The following ADAMTS2 variants were observed in gnomAD, a reference collection of about 807,000 sequenced individuals.
The protein encoded by ADAMTS2 is A disintegrin and metalloproteinase with thrombospondin motifs 2.
A neutral mutation model predicts 123.0 loss-of-function variants in ADAMTS2; 50 were observed. That is an observed-to-expected ratio of 0.41 (90% CI 0.32 to 0.51). The LOEUF (loss-of-function observed/expected upper bound fraction) is 0.51. Among genes scored for constraint, ADAMTS2 ranks in the 20% least tolerant of loss-of-function variants. ADAMTS2 has a pLI of 0.35. For synonymous variants in ADAMTS2, 678 were observed against 695.4 expected (o/e 0.98, Z 0.39); for missense variants, 1,494 against 1,705.2 (o/e 0.88, Z 2.18).
At position 179,154,178 on chromosome 5, in the gene ADAMTS2, T is replaced by C. The variant is rs2113252697; in HGVS notation, c.1253A>G (p.His418Arg). The C allele has an allele frequency of 1.9e-6, 3 of 1,560,612 alleles. No individual in the cohort carries two copies. Among genetic ancestry groups the C allele is most frequent in the East Asian group, 2.3e-5 (1 of 42,560 alleles). The change falls in exon 8 of 22, where the codon CAC (histidine) becomes CGC (arginine). Residue 418 changes from histidine (H) to arginine (R), a missense_variant. Coordinates refer to ENST00000251582, the MANE Select transcript of ADAMTS2 (RefSeq NM_014244.5). ...HETGHVLGME[H>R]DGQGNRCGDE... ...GCCACAGCGGTTGCCCTGCCCGTCG[T>C]GCTCCATGCCCAGCCTGCGAGGGCC...
At chr5:179,329,330 A>G (rs1204678758) in intron 2 of ADAMTS2, among the ~76,000 whole-genome samples, 1 of 150,684 alleles carries the variant, frequency 6.6e-6, no homozygotes, top group Non-Finnish European at 1.5e-5. Flanking sequence ...CCGTCTCAAA[A>G]AAAAAAAAAA....
chr5:179,240,152 C>T (rs573827128), intron 3 of ADAMTS2, among the ~76,000 whole-genome samples: 31 of 152,190 alleles, frequency 2.0e-4, no homozygotes, highest in East Asian at 3.9e-4. Flanking sequence ...GTTCAGAGGA[C>T]GGAAGATATG....
At chr5:179,258,725 C>T (rs1766135067) in intron 3 of ADAMTS2, among the ~76,000 whole-genome samples, 1 of 152,192 alleles carries the variant, frequency 6.6e-6, no homozygotes, top group African/African-American at 2.4e-5. Flanking sequence ...GGAAATGATT[C>T]TAGCGAGCGC....
intron 2 of ADAMTS2, among the ~76,000 whole-genome samples, chr5:179,341,866 C>T (rs766731675): frequency 2.3e-4 from 35 of 152,224 alleles, no homozygotes; most frequent in Non-Finnish European, 3.7e-4. Flanking sequence ...ACATGGGACA[C>T]TTCAGCAGGC....
intron 3 of ADAMTS2, among the ~76,000 whole-genome samples, chr5:179,216,288 C>A (rs1396651170): frequency 6.6e-6 from 1 of 152,232 alleles, no homozygotes; most frequent in Non-Finnish European, 1.5e-5. Flanking sequence ...ATCAGGCCAT[C>A]TGTAGCCCGG....
Position 179,128,171 on chromosome 5 carries a change from C to T in ADAMTS2, c.2458-53G>A. On this transcript the variant is annotated intron_variant, in intron 16 of 21. Transcript: ENST00000251582. This position sits in a 1 kb window ranked among gnomAD's most constrained non-coding sequence, Gnocchi z 4.9. ...CCTGACCTGCCCTCCATGCTTCCTC[C>T]CCAGCCAGCTTAGGAACGGCAGCTG... 1.6e-5 allele frequency: 26 copies of T among 1,605,904 alleles called. No individual in the cohort carries two copies. The highest frequency in any genetic ancestry group is 2.1e-5 in the Non-Finnish European group (25 of 1,178,640).
In ADAMTS2 at chr5:179,132,812, A is replaced by C. The variant is rs1299733483; in HGVS notation, c.2174T>G (p.Val725Gly). 1 of 1,613,810 alleles carries C rather than the reference A, an allele frequency of 6.2e-7. No individual in the cohort carries two copies. Among genetic ancestry groups the C allele is most frequent in the Non-Finnish European group, 8.5e-7 (1 of 1,179,970 alleles). The change falls in exon 14 of 22, where the codon GTC (valine) becomes GGC (glycine). Residue 725 changes from valine (V) to glycine (G), a missense_variant. Around this residue, in one of 6 missense-constraint regions of ADAMTS2, gnomAD observed 953 missense variants for 1,124.7 expected, o/e 0.85. Transcript: ENST00000251582. The surrounding 1 kb of genome is among the most constrained non-coding windows in gnomAD (Gnocchi z 6.1). ...CGGDNSHCKV[V>G]KGTFTRSPKK... ...GGGTGACCGTGTGAACGTGCCCTTGACCACTTTGCAGTGGCTGTTGTCCCC... is the reference window on the plus strand; with the variant it reads ...GGGTGACCGTGTGAACGTGCCCTTGCCCACTTTGCAGTGGCTGTTGTCCCC...
rs563024484 is a variant in ADAMTS2, at chr5:179,155,243, C to T, written c.1133-324G>A. On this transcript the variant is annotated intron_variant, in intron 6 of 21. Coordinates refer to ENST00000251582, the MANE Select transcript of ADAMTS2 (RefSeq NM_014244.5). This position sits in a 1 kb window ranked among gnomAD's most constrained non-coding sequence, Gnocchi z 5.1. ...TCTGACACCTGACTTTCCTGCCTGC[C>T]GTTCTCTTTCACGCCACCTGCCTCT... is the stretch of plus-strand genomic sequence containing the variant. Among the ~76,000 whole-genome samples the T allele has an allele frequency of 1.2e-4, 19 of 152,328 alleles. No individual in the cohort carries two copies. Among genetic ancestry groups the T allele is most frequent in the Admixed American group, 7.2e-4 (11 of 15,304 alleles).
intron 3 of ADAMTS2, among the ~76,000 whole-genome samples, chr5:179,258,932 G>A (rs1294815606): frequency 6.6e-6 from 1 of 152,192 alleles, no homozygotes; most frequent in Non-Finnish European, 1.5e-5. Context: ...ATGGCGCTGA[G>A]GGGCTGATCC....
chr5:179,259,803 G>A (rs759324172), intron 3 of ADAMTS2, among the ~76,000 whole-genome samples: 1 of 152,194 alleles, frequency 6.6e-6, no homozygotes, highest in Non-Finnish European at 1.5e-5. Flanking sequence ...GTGTCTACTG[G>A]GCACCCCCAA....
At chr5:179,184,371 C>T (rs1028058502) in intron 4 of ADAMTS2, among the ~76,000 whole-genome samples, 1 of 151,984 alleles carries the variant, frequency 6.6e-6, no homozygotes, top group African/African-American at 2.4e-5. Flanking sequence ...ATTAGCCAGG[C>T]ATGGTGGCGA....
At chr5:179,341,728 A>G (rs963875961) in intron 2 of ADAMTS2, among the ~76,000 whole-genome samples, 2 of 138,756 alleles carry the variant, frequency 1.4e-5, no homozygotes, top group East Asian at 4.5e-4. Context: ...AAAAAAAAAA[A>G]AAAAGAAAAC....
chr5:179,148,513 C>T (rs1259617405), intron 10 of ADAMTS2, among the ~76,000 whole-genome samples: 1 of 152,146 alleles, frequency 6.6e-6, no homozygotes, highest in Non-Finnish European at 1.5e-5. Context: ...GCTGAGGTCG[C>T]ATCCCTGTGC....
Position 179,326,505 on chromosome 5 carries a change from G to A in ADAMTS2, c.534+17262C>T, listed in dbSNP as rs1173810141. ...CCCCGGCCCCGCCCCCCACTCCCAT[G>A]CCCGCCCAAGCCCCGCCCACAGAGC... On this transcript the variant is annotated intron_variant, in intron 2 of 21. Coordinates refer to ENST00000251582, the MANE Select transcript of ADAMTS2 (RefSeq NM_014244.5). 2.5e-3 allele frequency among the ~76,000 whole-genome samples: 26 copies of A among 10,374 alleles called. 1 individual carries two copies. The highest frequency in any genetic ancestry group is 8.5e-3 in the African/African-American group (26 of 3,066). 6.8% of individuals were successfully genotyped at this position (10,374 alleles called of 152,430 possible). A position where few individuals can be genotyped will look rare whatever the true frequency, so the allele number is the denominator to read the frequency against.
chr5:179,281,269 T>A (rs1766897068), intron 2 of ADAMTS2, among the ~76,000 whole-genome samples: 1 of 152,174 alleles, frequency 6.6e-6, no homozygotes, highest in African/African-American at 2.4e-5. Context: ...ATAACCACTA[T>A]TGATTTTAGA....
At chr5:179,325,687 G>A (rs539732375) in intron 2 of ADAMTS2, among the ~76,000 whole-genome samples, 1 of 152,402 alleles carries the variant, frequency 6.6e-6, no homozygotes, top group Admixed American at 6.5e-5. Flanking sequence ...CTGCCGGGCG[G>A]CTGGTGCACT....
chr5:179,343,814 C>T lies in ADAMTS2; in HGVS notation c.487G>A (p.Gly163Ser), dbSNP rs1415104162. Reference protein sequence around the residue: ...GSCLYVGDVAGLAEASSVALS... With the variant: ...GSCLYVGDVASLAEASSVALS... ...GCCACAGAGGAGGCTTCGGCTAGGC[C>T]GGCCACGTCTCCGACGTAGAGACAG... The change falls in exon 2 of 22, where the codon GGC becomes AGC. Residue 163 changes from glycine (G) to serine (S), a missense_variant. Physicochemically the swap from Gly to Ser is moderately conservative, Grantham distance 56 (BLOSUM62 0). Coordinates refer to ENST00000251582, the MANE Select transcript of ADAMTS2 (RefSeq NM_014244.5). The T allele has an allele frequency of 1.2e-6, 2 of 1,610,812 alleles. No individual in the cohort carries two copies. Among genetic ancestry groups the T allele is most frequent in the Non-Finnish European group, 1.7e-6 (2 of 1,179,350 alleles).
chr5:179,186,719 A>G (rs1042870988), intron 4 of ADAMTS2, among the ~76,000 whole-genome samples: 2 of 152,136 alleles, frequency 1.3e-5, no homozygotes, highest in African/African-American at 4.8e-5. Context: ...CTGAAGACAG[A>G]AGGCGACCTC....
chr5:179,276,656 A>C (rs937753117), intron 2 of ADAMTS2, among the ~76,000 whole-genome samples: 9 of 152,230 alleles, frequency 5.9e-5, no homozygotes, highest in Non-Finnish European at 1.3e-4. Context: ...AGATGGGCAG[A>C]CAGGCTGCTG....
Sources: gnomAD v4.1 joint callset for allele counts (sites outside exome capture counted in the v4.1 genomes callset) on GRCh38, gnomAD v4.1.1 for gene constraint, gnomAD v4.1.1 regional missense constraint, Gnocchi (gnomAD v3.1) non-coding constraint, MANE v1.5 for transcripts, NCBI Gene and HGNC (gene_info 2026-07-23, HGNC 2026-07-21) for gene names.